XPO4: variants seen among roughly 807,000 people sequenced by gnomAD.
XPO4 encodes exportin 4, also known as exportin-4.
XPO4 carries 39 observed loss-of-function variants against 143.0 expected under a neutral mutation model. The observed-to-expected ratio is 0.27, with a 90% CI of 0.21 to 0.36. The LOEUF is 0.36. Among genes scored for constraint, XPO4 ranks in the 10% least tolerant of loss-of-function variants. XPO4 has a pLI of 1.00. For synonymous variants in XPO4, 439 were observed against 474.0 expected (o/e 0.93, Z 0.96); for missense variants, 907 against 1,348.0 (o/e 0.67, Z 5.12).
intron 1 of XPO4, chr13:20,879,220 C>T (rs2060382974): frequency 3.0e-6 from 3 of 985,232 alleles, no homozygotes; most frequent in East Asian, 2.3e-4. Context: ...AACAAGATAT[C>T]CCTCCACATA....
intron 1 of XPO4, among the ~76,000 whole-genome samples, chr13:20,888,422 C>T (rs1037758259): frequency 1.4e-4 from 22 of 152,298 alleles, no homozygotes; most frequent in African/African-American, 4.8e-4. Context: ...GTAATCATAC[C>T]TCACTGCAAC....
At chr13:20,872,269 C>T (rs1188282009) in intron 1 of XPO4, among the ~76,000 whole-genome samples, 1 of 152,222 alleles carries the variant, frequency 6.6e-6, no homozygotes, top group African/African-American at 2.4e-5. Flanking sequence ...GTCTCTGCTT[C>T]CTTCATCAAC....
rs540879552 is a variant in XPO4, at chr13:20,886,525, T to C, written c.69+16145A>G. On this transcript the variant is annotated intron_variant, in intron 1 of 22. Transcript: ENST00000255305. ...TACTCGGGAGGCTGAGGCAGGAGAA[T>C]CCCTTGAACCCAAGATGCGGTGGGT... Among the ~76,000 whole-genome samples, 8 of 151,800 alleles carry C rather than the reference T, an allele frequency of 5.3e-5. No individual in the cohort carries two copies. In the East Asian group the frequency reaches 1.4e-3, roughly 26 times the overall value.
chr13:20,850,191 G>C lies in XPO4; in HGVS notation c.456+5436C>G, dbSNP rs1258449875. The C allele has an allele frequency of 6.1e-6, 6 of 985,048 alleles. No homozygotes were observed. The African/African-American group carries it at 7.0e-5, about 11-fold the overall frequency. 61.0% of individuals were successfully genotyped at this position (985,048 alleles called of 1,614,324 possible). On this transcript the variant is annotated intron_variant, in intron 4 of 22. Coordinates refer to ENST00000255305, the MANE Select transcript of XPO4 (RefSeq NM_022459.5). ...TCCATACTTAAAATATTGTTTGAGAGAAAAACACATGATTTATTATAGTTC... is the reference window on the plus strand; with the variant it reads ...TCCATACTTAAAATATTGTTTGAGACAAAAACACATGATTTATTATAGTTC...
At chr13:20,785,073 G>A (rs1311900416) in intron 22 of XPO4, among the ~76,000 whole-genome samples, 2 of 152,166 alleles carry the variant, frequency 1.3e-5, no homozygotes, top group African/African-American at 4.8e-5. Flanking sequence ...CTGCAATGTT[G>A]AGCAGGCTGG....
intron 4 of XPO4, chr13:20,853,020 A>G (rs2060104467): frequency 1.0e-6 from 1 of 985,342 alleles, no homozygotes; most frequent in Non-Finnish European, 1.2e-6. Flanking sequence ...ACCACAATTT[A>G]TATTACTCTA....
intron 7 of XPO4, among the ~76,000 whole-genome samples, chr13:20,824,514 C>G (rs765087519): frequency 6.6e-6 from 1 of 152,152 alleles, no homozygotes; most frequent in Non-Finnish European, 1.5e-5. Context: ...AACTGTCTTT[C>G]GAGACGGTGT....
Position 20,797,031 on chromosome 13 carries a change from G to A in XPO4, c.2349C>T (p.Phe783=), listed in dbSNP as rs2059367206. ...AGTTTTCTTGGTTTATCACTCTTAAGAATCGCTGCTGAAGTGGCTGAAGAA... is the reference window on the plus strand; with the variant it reads ...AGTTTTCTTGGTTTATCACTCTTAAAAATCGCTGCTGAAGTGGCTGAAGAA... ...TEVLQPLQQR[F]LRVINQENFQ... The change falls in exon 17 of 23, where the codon TTC becomes TTT. Residue 783 remains phenylalanine, a synonymous_variant. Coordinates refer to ENST00000255305, the MANE Select transcript of XPO4 (RefSeq NM_022459.5). The A allele has an allele frequency of 1.2e-6, 2 of 1,606,090 alleles. No individual in the cohort carries two copies. The highest frequency in any genetic ancestry group is 1.1e-5 in the South Asian group (1 of 89,736).
chr13:20,835,216 G>A (rs1216259482), intron 6 of XPO4, among the ~76,000 whole-genome samples: 2 of 152,070 alleles, frequency 1.3e-5, no homozygotes, highest in Non-Finnish European at 2.9e-5. Flanking sequence ...ATAGACAATA[G>A]TTGGAGGAAA....
rs569251868 is a variant in XPO4 at position 20,827,990 on chromosome 13, C to G, written c.728-811G>C. On this transcript the variant is annotated intron_variant, in intron 6 of 22. Transcript: ENST00000255305. ...CGGTGGCTCACGCCTGTAATCTCCA[C>G]ATTTTGGGAGGCCAAGGCAGGCGGA... 2.5e-4 allele frequency among the ~76,000 whole-genome samples: 38 copies of G among 152,304 alleles called. 1 individual carries two copies. The highest frequency in any genetic ancestry group is 8.2e-4 in the African/African-American group (34 of 41,566).
intron 1 of XPO4, among the ~76,000 whole-genome samples, chr13:20,889,865 T>C (rs538949858): frequency 7.8e-6 from 1 of 127,628 alleles, no homozygotes; most frequent in African/African-American, 2.5e-5. Flanking sequence ...ATAAAGTTAA[T>C]GAAAAACTGT....
chr13:20,794,872 T>C (rs1848020748), intron 18 of XPO4, among the ~76,000 whole-genome samples: 1 of 152,112 alleles, frequency 6.6e-6, no homozygotes, highest in African/African-American at 2.4e-5. Flanking sequence ...AGTGAATTTG[T>C]ACAGTGCTTT....
chr13:20,853,712 T>C (rs2060113315), intron 4 of XPO4, among the ~76,000 whole-genome samples: 1 of 152,220 alleles, frequency 6.6e-6, no homozygotes, highest in South Asian at 2.1e-4. Context: ...GTCTTTAGAA[T>C]GACACTATCC....
intron 1 of XPO4, among the ~76,000 whole-genome samples, chr13:20,874,550 T>G (rs2060333243): frequency 6.6e-6 from 1 of 152,120 alleles, no homozygotes; most frequent in Non-Finnish European, 1.5e-5. Flanking sequence ...TGATAAAAGG[T>G]TAAATTAGGC....
At position 20,796,815 on chromosome 13, in the gene XPO4, A is replaced by G. The variant is rs769090196; in HGVS notation, c.2565T>C (p.Ile855=). The change falls in exon 17 of 23, where the codon ATT becomes ATC. Residue 855 remains isoleucine, a synonymous_variant. Transcript: ENST00000255305. ...YKNTPETVNL[I]IEVFVEVAHK... is the part of the protein sequence containing the mutation. ...GTGCAACTTCAACAAAAACTTCTAT[A>G]ATGAGATTGACAGTCTCTGGGGTAT... 5.6e-6 allele frequency: 9 copies of G among 1,613,880 alleles called. No individual in the cohort carries two copies. The highest frequency in any genetic ancestry group is 1.6e-4 in the Middle Eastern group (1 of 6,072).
At chr13:20,894,714 G>A (rs1451138342) in intron 1 of XPO4, among the ~76,000 whole-genome samples, 8 of 151,960 alleles carry the variant, frequency 5.3e-5, no homozygotes, top group Non-Finnish European at 1.2e-4. Flanking sequence ...ATCATGGCAG[G>A]CACCTGTAAA....
intron 3 of XPO4, chr13:20,859,974 G>T: frequency 2.5e-6 from 1 of 398,048 alleles, no homozygotes; most frequent in Non-Finnish European, 3.4e-6. Flanking sequence ...CAACTAAACA[G>T]CTCCACAAAA....
At chr13:20,878,197 G>A (rs956500854) in intron 1 of XPO4, among the ~76,000 whole-genome samples, 10 of 152,140 alleles carry the variant, frequency 6.6e-5, no homozygotes, top group African/African-American at 2.2e-4. Context: ...AAGTGTTTGG[G>A]GAAGTTTGGG....
chr13:20,786,025 G>C, intron 22 of XPO4, among the ~76,000 whole-genome samples: 1 of 149,460 alleles, frequency 6.7e-6, no homozygotes, highest in African/African-American at 2.5e-5. Context: ...GATCAGACAA[G>C]ACGACTACCT....
Sources: allele counts gnomAD v4.1 joint callset (sites outside exome capture counted in the v4.1 genomes callset), GRCh38; gene constraint gnomAD v4.1.1; transcripts MANE v1.5; gene names NCBI Gene and HGNC (gene_info 2026-07-23, HGNC 2026-07-21).